Variants in PRKCE observed in about 807,000 individuals in gnomAD.
PRKCE encodes the protein protein kinase C epsilon type.
A neutral mutation model predicts 85.4 loss-of-function variants in PRKCE; 16 were observed. That is an observed-to-expected ratio of 0.19 (90% CI 0.13 to 0.28). The LOEUF is 0.28. PRKCE is among the 10% of genes least tolerant of loss of function. The pLI is 1.00. For missense variants in PRKCE, 573 were observed against 975.2 expected (o/e 0.59, Z 5.49); for synonymous variants, 388 against 371.5 (o/e 1.04, Z -0.51).
chr2:46,058,200 G>C (rs1263719370), intron 10 of PRKCE, among the ~76,000 whole-genome samples: 1 of 152,234 alleles, frequency 6.6e-6, no homozygotes, highest in Non-Finnish European at 1.5e-5. Flanking sequence ...GCTGCACGGA[G>C]GACTGAGTTT....
chr2:46,137,071 G>A (rs1675074302), intron 11 of PRKCE, among the ~76,000 whole-genome samples: 1 of 152,214 alleles, frequency 6.6e-6, no homozygotes, highest in African/African-American at 2.4e-5. Flanking sequence ...CCTGGAGGAG[G>A]CAGAATTTCT....
At chr2:46,181,911 G>T (rs1227851564) in intron 14 of PRKCE, among the ~76,000 whole-genome samples, 1 of 152,144 alleles carries the variant, frequency 6.6e-6, no homozygotes, top group East Asian at 1.9e-4. Context: ...AGGAGAGATG[G>T]TGAAGGCATC....
intron 10 of PRKCE, among the ~76,000 whole-genome samples, chr2:46,077,754 A>G (rs1668686049): frequency 6.6e-6 from 1 of 152,206 alleles, no homozygotes; most frequent in Non-Finnish European, 1.5e-5. Flanking sequence ...TTCATTCTGT[A>G]TGAATTGACA....
intron 1 of PRKCE, among the ~76,000 whole-genome samples, chr2:45,734,464 T>C (rs1337671287): frequency 6.6e-6 from 1 of 152,212 alleles, no homozygotes; most frequent in Non-Finnish European, 1.5e-5. Flanking sequence ...AGTATACTCA[T>C]CCATGTAAAC....
chr2:46,146,555 T>A (rs1228754998), intron 12 of PRKCE, among the ~76,000 whole-genome samples: 1 of 152,172 alleles, frequency 6.6e-6, no homozygotes, highest in South Asian at 2.1e-4. Flanking sequence ...TGAATTGAGT[T>A]GTAAAGAATG....
chr2:45,725,081 C>G (rs919943151), intron 1 of PRKCE, among the ~76,000 whole-genome samples: 1 of 152,218 alleles, frequency 6.6e-6, no homozygotes, highest in Non-Finnish European at 1.5e-5. Flanking sequence ...CAGCCTGTCT[C>G]CCTTATTAGG....
intron 11 of PRKCE, among the ~76,000 whole-genome samples, chr2:46,104,761 G>A (rs1029365518): frequency 6.6e-6 from 1 of 152,122 alleles, no homozygotes; most frequent in African/African-American, 2.4e-5. Context: ...CAGGGACAAT[G>A]AAACCAATTG....
rs1012353985 is a variant in PRKCE, at chr2:45,774,028, A to G, written c.349-68972A>G. Among the ~76,000 whole-genome samples, 1 of 151,870 alleles carries G rather than the reference A, an allele frequency of 6.6e-6. No individual in the cohort carries two copies. The highest frequency in any genetic ancestry group is 2.4e-5 in the African/African-American group (1 of 41,334). The stretch of plus-strand genomic sequence containing the variant: ...CTGCCACATCAGGTTAGAAGTAGAA[A>G]TTTCCTTCTAGACCCCAGAGTCCTC... On this transcript the variant is annotated intron_variant, in intron 1 of 14. Transcript: ENST00000306156. The surrounding 1 kb of genome is among the most constrained non-coding windows in gnomAD (Gnocchi z 4.3).
chr2:45,790,829 C>T (rs1430151602), intron 1 of PRKCE, among the ~76,000 whole-genome samples: 1 of 152,200 alleles, frequency 6.6e-6, no homozygotes, highest in Non-Finnish European at 1.5e-5. Flanking sequence ...TGTTGATTCT[C>T]TAACAAGTAG....
intron 11 of PRKCE, among the ~76,000 whole-genome samples, chr2:46,090,186 C>T (rs752207338): frequency 6.6e-6 from 1 of 152,114 alleles, no homozygotes; most frequent in African/African-American, 2.4e-5. Flanking sequence ...GAGTAATACT[C>T]CTGGAGCTAT....
intron 1 of PRKCE, among the ~76,000 whole-genome samples, chr2:45,795,747 G>A (rs1436442633): frequency 6.6e-6 from 1 of 152,182 alleles, no homozygotes; most frequent in East Asian, 1.9e-4. Context: ...GGTGCTTCCT[G>A]GGATTGGCCA....
At chr2:45,910,853 C>T (rs1238557717) in intron 2 of PRKCE, among the ~76,000 whole-genome samples, 1 of 152,104 alleles carries the variant, frequency 6.6e-6, no homozygotes, top group East Asian at 1.9e-4. Flanking sequence ...GGACAGAGTC[C>T]CACGCTGGTC....
intron 1 of PRKCE, chr2:45,675,987 G>C (rs925726436): frequency 6.6e-6 from 1 of 152,146 alleles, no homozygotes; most frequent in Non-Finnish European, 1.5e-5. Flanking sequence ...CCGGTACCTG[G>C]CAGTAGCTCC....
At chr2:45,789,653 GAC>G (rs767879211) in intron 1 of PRKCE, among the ~76,000 whole-genome samples, 8 of 152,130 alleles carry the variant, frequency 5.3e-5, no homozygotes, top group Non-Finnish European at 8.8e-5. Context: ...AGGGGGGAAA[GAC>G]AGGGATTCTC....
rs117708769 is a variant in PRKCE at position 45,874,048 on chromosome 2, G to C, written c.412+30985G>C. On this transcript the variant is annotated intron_variant, in intron 2 of 14. Coordinates refer to ENST00000306156, the MANE Select transcript of PRKCE (RefSeq NM_005400.3). Reference sequence around the variant, plus strand: ...GCAGTGTTCCCCACCTCATAGCAATGTGAGGAGGGTTAGATGATATAGTGC... The same window carrying C: ...GCAGTGTTCCCCACCTCATAGCAATCTGAGGAGGGTTAGATGATATAGTGC... 1.0e-3 allele frequency among the ~76,000 whole-genome samples: 156 copies of C among 152,354 alleles called. 2 individuals are homozygous for C. In the East Asian group the frequency reaches 0.025, roughly 24 times the overall value.
intron 1 of PRKCE, among the ~76,000 whole-genome samples, chr2:45,769,651 A>G (rs1685165628): frequency 6.6e-6 from 1 of 152,134 alleles, no homozygotes; most frequent in South Asian, 2.1e-4. Context: ...TGAGTTTGTA[A>G]GTTCTTTTCT....
chr2:45,952,485 A>G (rs527266951), intron 2 of PRKCE, among the ~76,000 whole-genome samples: 1 of 152,358 alleles, frequency 6.6e-6, no homozygotes, highest in South Asian at 2.1e-4. Flanking sequence ...TACACGCAGA[A>G]TTTATTATAA....
chr2:45,892,573 G>C (rs891954868), intron 2 of PRKCE, among the ~76,000 whole-genome samples: 2 of 152,102 alleles, frequency 1.3e-5, no homozygotes, highest in African/African-American at 4.8e-5. Context: ...TTTGTGCTCT[G>C]TTTGTGTTAC....
At chr2:46,104,043 G>T (rs1671480793) in intron 11 of PRKCE, among the ~76,000 whole-genome samples, 1 of 152,108 alleles carries the variant, frequency 6.6e-6, no homozygotes, top group African/African-American at 2.4e-5. Flanking sequence ...TTTATTTTCA[G>T]TGCCCATAGG....
Sources: allele counts gnomAD v4.1 joint callset (sites outside exome capture counted in the v4.1 genomes callset), GRCh38; gene constraint gnomAD v4.1.1; non-coding constraint Gnocchi (gnomAD v3.1); transcripts MANE v1.5; gene names NCBI Gene and HGNC (gene_info 2026-07-23, HGNC 2026-07-21).